ZMYM4: variants seen among roughly 807,000 people sequenced by gnomAD.
ZMYM4 encodes zinc finger MYM-type containing 4.
A neutral mutation model predicts 183.2 loss-of-function variants in ZMYM4; 31 were observed. The observed-to-expected ratio is 0.17, with a 90% CI of 0.13 to 0.23. The LOEUF (loss-of-function observed/expected upper bound fraction) is 0.23. Among genes scored for constraint, ZMYM4 ranks in the 10% least tolerant of loss-of-function variants. ZMYM4 has a pLI of 1.00. For missense variants in ZMYM4, 1,273 were observed against 1,840.3 expected (o/e 0.69, Z 5.64); for synonymous variants, 592 against 631.2 (o/e 0.94, Z 0.93).
intron 26 of ZMYM4, among the ~76,000 whole-genome samples, chr1:35,408,846 A>G (rs1639747872): frequency 2.0e-5 from 3 of 152,242 alleles, no homozygotes; most frequent in African/African-American, 7.2e-5. Flanking sequence ...ACTAATAAGT[A>G]CATTCTTAAT....
intron 1 of ZMYM4, among the ~76,000 whole-genome samples, chr1:35,315,766 A>C (rs1642017126): frequency 2.0e-5 from 3 of 152,126 alleles, no homozygotes; most frequent in Admixed American, 2.0e-4. Context: ...CCCTGTCTCT[A>C]CAAAAAAATA....
chr1:35,418,292 A>G, intron 28 of ZMYM4, 151 bp from the exon 29 acceptor site: 1 of 767,270 alleles, frequency 1.3e-6, no homozygotes, highest in South Asian at 2.0e-5. Context: ...TGGCACCTTC[A>G]TAGGCACTCA....
chr1:35,296,750 C>G (rs1641032192), intron 1 of ZMYM4, among the ~76,000 whole-genome samples: 1 of 151,714 alleles, frequency 6.6e-6, no homozygotes, highest in Non-Finnish European at 1.5e-5. Context: ...TAGTCAGTTT[C>G]ATTCTGATCC....
chr1:35,416,254 A>C (rs1195328835), intron 28 of ZMYM4, among the ~76,000 whole-genome samples: 3 of 152,222 alleles, frequency 2.0e-5, no homozygotes, highest in Admixed American at 6.5e-5. Flanking sequence ...AGCCTATTAA[A>C]TAAGTTTGTT....
chr1:35,279,124 C>A (rs536525522), intron 1 of ZMYM4, among the ~76,000 whole-genome samples: 2 of 152,288 alleles, frequency 1.3e-5, no homozygotes, highest in South Asian at 4.1e-4. Flanking sequence ...TCCCCTACCC[C>A]CAACCCCCAC....
intron 23 of ZMYM4, among the ~76,000 whole-genome samples, chr1:35,404,203 T>G (rs1341392965): frequency 6.6e-6 from 1 of 152,164 alleles, no homozygotes; most frequent in Admixed American, 6.5e-5. Context: ...TAGCTGGGAC[T>G]ACAGATGTAT....
chr1:35,411,365 C>T (rs1295707960), intron 26 of ZMYM4, among the ~76,000 whole-genome samples: 2 of 151,782 alleles, frequency 1.3e-5, no homozygotes, highest in African/African-American at 4.8e-5. Context: ...CTGTGTTAGC[C>T]AGGATGGTCT....
At chr1:35,356,014 G>A (rs1389134497) in intron 2 of ZMYM4, among the ~76,000 whole-genome samples, 2 of 152,220 alleles carry the variant, frequency 1.3e-5, no homozygotes, top group Admixed American at 6.5e-5. Flanking sequence ...GATTGCTTGA[G>A]CTCAGGAGTT....
At chr1:35,320,535 T>C (rs554073852) in intron 1 of ZMYM4, among the ~76,000 whole-genome samples, 20 of 152,090 alleles carry the variant, frequency 1.3e-4, no homozygotes, top group South Asian at 4.1e-4. Flanking sequence ...TTTAGCAAAT[T>C]AATTGAACCT....
At chr1:35,278,087 T>C (rs1483004043) in intron 1 of ZMYM4, among the ~76,000 whole-genome samples, 1 of 152,154 alleles carries the variant, frequency 6.6e-6, no homozygotes, top group African/African-American at 2.4e-5. Flanking sequence ...TCTTCTATCT[T>C]CTTGTGGCTT....
intron 2 of ZMYM4, among the ~76,000 whole-genome samples, chr1:35,341,470 G>A (rs1029586916): frequency 1.3e-5 from 2 of 151,728 alleles, no homozygotes; most frequent in African/African-American, 4.8e-5. Context: ...GCTTTTTCTT[G>A]TATCAGTTGT....
At chr1:35,286,772 A>ATTTTTTTTTTTT in intron 1 of ZMYM4, among the ~76,000 whole-genome samples, 2 of 46,522 alleles carry the variant, frequency 4.3e-5, no homozygotes, top group Non-Finnish European at 8.7e-5. Flanking sequence ...TATTTAAATA[A>ATTTTTTTTTTTT]TTTTTTTTTT....
At chr1:35,285,946 G>A (rs1640460283) in intron 1 of ZMYM4, among the ~76,000 whole-genome samples, 1 of 152,112 alleles carries the variant, frequency 6.6e-6, no homozygotes, top group African/African-American at 2.4e-5. Context: ...CATATTCAGT[G>A]GTGAAAGACT....
At chr1:35,394,151 T>C (rs956837769) in intron 18 of ZMYM4, among the ~76,000 whole-genome samples, 2 of 147,478 alleles carry the variant, frequency 1.4e-5, no homozygotes, top group Admixed American at 6.8e-5. Context: ...TGAGGAGAGC[T>C]TCAGAGCTTT....
chr1:35,407,377 G>A (rs561241641), intron 25 of ZMYM4, among the ~76,000 whole-genome samples: 1 of 150,272 alleles, frequency 6.7e-6, no homozygotes, highest in Non-Finnish European at 1.5e-5. Context: ...GCAGTGAGCC[G>A]AGATTGTGCC....
Position 35,358,303 on chromosome 1 carries a change from T to C in ZMYM4, c.86-622T>C, listed in dbSNP as rs1016746625. Among the ~76,000 whole-genome samples the C allele has an allele frequency of 2.6e-5, 4 of 152,300 alleles. 1 individual carries two copies. The highest frequency in any genetic ancestry group is 2.6e-4 in the Admixed American group (4 of 15,294). ...AGTATATATTAGTAGTTTTAAACAG[T>C]AAATAGTCTTTTATTCTAGGTTGGA... On this transcript the variant is annotated intron_variant, in intron 2 of 29. Coordinates refer to ENST00000314607, the MANE Select transcript of ZMYM4 (RefSeq NM_005095.3).
chr1:35,290,050 C>T (rs367987321), intron 1 of ZMYM4, among the ~76,000 whole-genome samples: 22 of 151,470 alleles, frequency 1.5e-4, no homozygotes, highest in African/African-American at 4.8e-4. Context: ...TCACTGCAGC[C>T]CCTGGCTTCC....
chr1:35,349,378 C>G (rs1643513714), intron 2 of ZMYM4, among the ~76,000 whole-genome samples: 1 of 152,044 alleles, frequency 6.6e-6, no homozygotes, highest in Non-Finnish European at 1.5e-5. Flanking sequence ...TTGTATGTCT[C>G]AAGTAAAAAT....
At chr1:35,354,210 A>T (rs1643732266) in intron 2 of ZMYM4, among the ~76,000 whole-genome samples, 1 of 152,192 alleles carries the variant, frequency 6.6e-6, no homozygotes, top group South Asian at 2.1e-4. Context: ...TCTCCAGTGC[A>T]TTTCAAAGAT....
Sources: allele counts gnomAD v4.1 joint callset (sites outside exome capture counted in the v4.1 genomes callset), GRCh38; gene constraint gnomAD v4.1.1; transcripts MANE v1.5; gene names NCBI Gene and HGNC (gene_info 2026-07-23, HGNC 2026-07-21).